Variants in NKTR observed in about 807,000 individuals in gnomAD.
NKTR encodes the protein NK-tumor recognition protein.
A neutral mutation model predicts 156.3 loss-of-function variants in NKTR; 67 were observed. The observed-to-expected ratio is 0.43, with a 90% CI of 0.35 to 0.53. NKTR has a LOEUF of 0.53. Ranked by LOEUF, NKTR falls within the 20% of genes least tolerant of loss-of-function variation. The pLI, the probability that NKTR is intolerant of heterozygous loss-of-function variation, is 0.01. For missense variants in NKTR, 1,604 were observed against 1,730.9 expected (o/e 0.93, Z 1.30); for synonymous variants, 640 against 596.6 (o/e 1.07, Z -1.06).
chr3:42,625,324 A>G (rs929735032), intron 6 of NKTR, among the ~76,000 whole-genome samples: 6 of 152,280 alleles, frequency 3.9e-5, no homozygotes, highest in Admixed American at 1.3e-4. Flanking sequence ...GTGGTCATTA[A>G]TAATTATAAC....
chr3:42,630,333 A>G lies in NKTR; in HGVS notation c.375-213A>G, dbSNP rs906570845. The G allele has an allele frequency of 8.7e-6, 12 of 1,385,728 alleles. No homozygotes were observed. The African/African-American group carries it at 1.8e-4, about 20-fold the overall frequency. 85.8% of individuals were successfully genotyped at this position (1,385,728 alleles called of 1,614,324 possible). A position where few individuals can be genotyped will look rare whatever the true frequency, so the allele number is the denominator to read the frequency against. On this transcript the variant is annotated intron_variant, in intron 6 of 16. Coordinates refer to ENST00000232978, the MANE Select transcript of NKTR (RefSeq NM_005385.4). The stretch of plus-strand genomic sequence containing the variant: ...ATATAGTCTAATAGAGATGATTGTA[A>G]TTCATTATAATCTTGAGTTTTTTAA...
At chr3:42,601,256 G>A (rs1177513508) in intron 2 of NKTR, 192 bp downstream of exon 2, 2 of 439,174 alleles carry the variant, frequency 4.6e-6, no homozygotes, top group Non-Finnish European at 8.2e-6. Context: ...CGCAGTCCGG[G>A]CCTCTTCCTG....
Position 42,609,874 on chromosome 3 carries a change from T to G in NKTR, c.59-7696T>G, listed in dbSNP as rs563286661. On this transcript the variant is annotated intron_variant, in intron 2 of 16. Coordinates refer to ENST00000232978, the MANE Select transcript of NKTR (RefSeq NM_005385.4). The stretch of plus-strand genomic sequence containing the variant: ...ATAATATAAATATCAACAACTTCAG[T>G]ATCTGTTGGTATTTCAGTTGGTTCT... 3.0e-4 allele frequency among the ~76,000 whole-genome samples: 46 copies of G among 152,352 alleles called. No homozygotes were observed. The Middle Eastern group carries it at 0.01, about 34-fold the overall frequency.
rs144598783 is a variant in NKTR at position 42,639,521 on chromosome 3, C to T, written c.3817C>T (p.Arg1273Trp). 9 of 1,614,028 alleles carry T rather than the reference C, an allele frequency of 5.6e-6. No individual in the cohort carries two copies. The highest frequency in any genetic ancestry group is 7.6e-6 in the Non-Finnish European group (9 of 1,180,004). Reference protein sequence around the residue: ...RIEIKSKNKVRPGSLFDEVRK... With the variant: ...RIEIKSKNKVWPGSLFDEVRK... ...AGAAATTAAAAGCAAAAATAAAGTT[C>T]GGCCTGGGTCTCTCTTTGATGAAGT... is the stretch of plus-strand genomic sequence containing the variant. The change falls in exon 13 of 17, where the codon CGG becomes TGG. Residue 1273 changes from arginine (R) to tryptophan (W), a missense_variant. By Grantham distance (101) the Arg-to-Trp change is moderately radical. This residue lies in a region of NKTR where 18 missense variants were observed against 41.9 expected (regional missense o/e 0.43). Coordinates refer to ENST00000232978, the MANE Select transcript of NKTR (RefSeq NM_005385.4).
intron 2 of NKTR, chr3:42,601,991 G>A (rs1199840139): frequency 1.3e-5 from 2 of 152,124 alleles, no homozygotes; most frequent in Admixed American, 1.3e-4. Flanking sequence ...TAATAAGTTG[G>A]TCAGACAAGG....
At chr3:42,601,105 G>T (rs1363415139) in intron 2 of NKTR, 41 bp downstream of exon 2, 6 of 1,507,504 alleles carry the variant, frequency 4.0e-6, no homozygotes, top group South Asian at 1.2e-5. Context: ...GCCGAGGCCT[G>T]CCTTGGCGAA....
rs1463675629 is a variant in NKTR at position 42,647,408 on chromosome 3, A to G, written c.*1433A>G. ...AGAAGAAATTCATATTGGTTGCCTG[A>G]TGTAGAGCTCAGCACCACCCTACCA... is the stretch of plus-strand genomic sequence containing the variant. On this transcript the variant is annotated 3_prime_UTR_variant, in exon 17 of 17. Coordinates refer to ENST00000232978, the MANE Select transcript of NKTR (RefSeq NM_005385.4). 6.6e-6 allele frequency: 1 copy of G among 151,558 alleles called. No individual in the cohort carries two copies. Among genetic ancestry groups the G allele is most frequent in the African/African-American group, 2.4e-5 (1 of 41,196 alleles). The allele number at this position is 151,558 out of a possible 1,614,324, so 9.4% of individuals were successfully genotyped here.
At chr3:42,627,722 G>T (rs1209832321) in intron 6 of NKTR, 1 of 983,542 alleles carries the variant, frequency 1.0e-6, no homozygotes, top group South Asian at 4.7e-5. Flanking sequence ...ATATTGAAAG[G>T]TTTTACAATT....
chr3:42,622,015 TG>T (rs749782351), intron 6 of NKTR, among the ~76,000 whole-genome samples: 5 of 152,018 alleles, frequency 3.3e-5, no homozygotes, highest in Non-Finnish European at 7.4e-5. Flanking sequence ...TAGAGATAGG[TG>T]ACCTGCTGTT....
At position 42,638,708 on chromosome 3, in the gene NKTR, G is replaced by T; in HGVS notation, c.3004G>T (p.Asp1002Tyr). 1 of 1,612,978 alleles carries T rather than the reference G, an allele frequency of 6.2e-7. No individual in the cohort carries two copies. Among genetic ancestry groups the T allele is most frequent in the Non-Finnish European group, 8.5e-7 (1 of 1,179,784 alleles). ...GAAAGAGAAATTGAAAGGGAAAAAA[G>T]ACAAAAAGCATAAGGCTCCAAAACG... ...KVKEKLKGKK[D>Y]KKHKAPKRKQ... Residue 1002 changes from aspartate to tyrosine, a missense_variant, in exon 13 of 17, where the codon GAC (aspartate) becomes TAC (tyrosine). This residue lies in a region of NKTR where 1,255 missense variants were observed against 1,243.7 expected (regional missense o/e 1.01). Transcript: ENST00000232978.
intron 2 of NKTR, among the ~76,000 whole-genome samples, chr3:42,614,570 C>T (rs1353989100): frequency 6.6e-6 from 1 of 151,980 alleles, no homozygotes; most frequent in Non-Finnish European, 1.5e-5. Context: ...ACCTGTTAAT[C>T]TTGCTAATGA....
intron 13 of NKTR, 75 bp downstream of exon 13, chr3:42,639,825 A>C: frequency 3.0e-6 from 3 of 1,002,160 alleles, no homozygotes; most frequent in South Asian, 1.6e-5. Context: ...TATCAGAATT[A>C]GGGACAGAAT....
chr3:42,636,751 C>T, intron 12 of NKTR, 117 bp from the exon 13 acceptor site: 2 of 1,390,950 alleles, frequency 1.4e-6, no homozygotes, highest in Admixed American at 2.7e-5. Flanking sequence ...ATTCACGCTT[C>T]CTGCGTGTGC....
Position 42,639,177 on chromosome 3 carries a change from T to G in NKTR, c.3473T>G (p.Ile1158Arg). The change falls in exon 13 of 17, where the codon ATA (isoleucine) becomes AGA (arginine). Residue 1158 changes from isoleucine (I) to arginine (R), a missense_variant. Around this residue, in one of 6 missense-constraint regions of NKTR, gnomAD observed 1,255 missense variants for 1,243.7 expected, o/e 1.01. Transcript: ENST00000232978. Reference protein sequence around the residue: ...LGNARLDTPDINIVLKQDMAT... With the variant: ...LGNARLDTPDRNIVLKQDMAT... ...AATGCACGGCTTGATACCCCAGATATAAACATTGTTTTGAAGCAGGATATG... is the reference window on the plus strand; with the variant it reads ...AATGCACGGCTTGATACCCCAGATAGAAACATTGTTTTGAAGCAGGATATG... The G allele has an allele frequency of 6.2e-7, 1 of 1,614,104 alleles. No individual in the cohort carries two copies. The highest frequency in any genetic ancestry group is 8.5e-7 in the Non-Finnish European group (1 of 1,180,000).
rs146911565 is a variant in NKTR at position 42,643,506 on chromosome 3, C to G, written c.4199+111C>G. 1,713 of 857,768 alleles carry G rather than the reference C, an allele frequency of 2.0e-3. 3 individuals carry two copies. The highest frequency in any genetic ancestry group is 2.5e-3 in the Non-Finnish European group (1,284 of 522,364). 53.1% of individuals were successfully genotyped at this position (857,768 alleles called of 1,614,324 possible). On this transcript the variant is annotated intron_variant, in intron 15 of 16. Coordinates refer to ENST00000232978, the MANE Select transcript of NKTR (RefSeq NM_005385.4). ...TGAGTAACTAAATGCATATATTTGT[C>G]TCCTGAAACCATACCTTTTCTAAAT...
chr3:42,604,854 A>C (rs540942636), intron 2 of NKTR, among the ~76,000 whole-genome samples: 2 of 150,698 alleles, frequency 1.3e-5, no homozygotes, highest in African/African-American at 4.9e-5. Flanking sequence ...ATGCCTGGCT[A>C]ATTTTTTGTA....
intron 6 of NKTR, chr3:42,627,238 A>G: frequency 1.0e-6 from 1 of 985,232 alleles, no homozygotes; most frequent in Non-Finnish European, 1.2e-6. Flanking sequence ...GTAATGTCTC[A>G]TTACTCTAAG....
intron 11 of NKTR, 92 bp downstream of exon 11, chr3:42,634,792 C>A: frequency 3.0e-6 from 2 of 661,152 alleles, no homozygotes; most frequent in Non-Finnish European, 2.6e-6. Context: ...AGATATAATA[C>A]AAAATCTGTT....
In NKTR at chr3:42,632,715, G is replaced by A. The variant is rs1404999118; in HGVS notation, c.665G>A (p.Arg222Lys). 1 of 1,613,870 alleles carries A rather than the reference G, an allele frequency of 6.2e-7. No individual in the cohort carries two copies. Among genetic ancestry groups the A allele is most frequent in the Admixed American group, 1.7e-5 (1 of 59,986 alleles). The change falls in exon 9 of 17, where the codon AGA becomes AAA. Residue 222 changes from arginine to lysine, a missense_variant. Arg to Lys is a conservative substitution (Grantham distance 26, BLOSUM62 2). Around this residue, in one of 6 missense-constraint regions of NKTR, gnomAD observed 1,255 missense variants for 1,243.7 expected, o/e 1.01. Coordinates refer to ENST00000232978, the MANE Select transcript of NKTR (RefSeq NM_005385.4). Reference sequence around the variant, plus strand: ...AGTGAACTTGAACATGAGAGAAGCAGAAGGAGGAAACATAAGAGGAGGCCA... The same window carrying A: ...AGTGAACTTGAACATGAGAGAAGCAAAAGGAGGAAACATAAGAGGAGGCCA... ...SESELEHERS[R>K]RRKHKRRPKV...
Sources: gnomAD v4.1 joint callset for allele counts (sites outside exome capture counted in the v4.1 genomes callset) on GRCh38, gnomAD v4.1.1 for gene constraint, gnomAD v4.1.1 regional missense constraint, MANE v1.5 for transcripts, NCBI Gene and HGNC (gene_info 2026-07-23, HGNC 2026-07-21) for gene names.